CEP44: variants seen among roughly 807,000 people sequenced by gnomAD.
The protein encoded by CEP44 is centrosomal protein of 44 kDa.
In CEP44, 45 loss-of-function variants were observed where a neutral mutation model predicts 46.7. The observed-to-expected ratio is 0.96, with a 90% CI of 0.76 to 1.24. CEP44 has a LOEUF of 1.24. CEP44 is among the 50% of genes most tolerant of loss of function. The probability of loss-of-function intolerance (pLI) is 0.00; values close to 1 mark genes in which losing one functional copy is unlikely to be tolerated. For missense variants in CEP44, 475 were observed against 459.7 expected (o/e 1.03, Z -0.30); for synonymous variants, 142 against 146.0 (o/e 0.97, Z 0.20).
At position 174,331,604 on chromosome 4, in the gene CEP44, T is replaced by G; in HGVS notation, c.*9T>G. On this transcript the variant is annotated 3_prime_UTR_variant, in exon 9 of 9. Transcript: ENST00000426172. This position sits in a 1 kb window ranked among gnomAD's most constrained non-coding sequence, Gnocchi z 4.5. The stretch of plus-strand genomic sequence containing the variant: ...CTCTCTCCTGTGTGTAATCTCTGTT[T>G]CTTGGATCCTGTGCTTACCTTTTCC... The G allele has an allele frequency of 6.4e-7, 1 of 1,550,818 alleles. No individual in the cohort carries two copies. The highest frequency in any genetic ancestry group is 8.7e-7 in the Non-Finnish European group (1 of 1,146,504).
Position 174,308,820 on chromosome 4 carries a change from G to T in CEP44, c.639G>T (p.Met213Ile), listed in dbSNP as rs1740749957. The change falls in exon 7 of 12, where the codon ATG becomes ATT. Residue 213 changes from methionine (M) to isoleucine (I), a missense_variant. Transcript: ENST00000503780. ...ACTTAAATGCTACTGAAATAAAGAT[G>T]CCTGAAGTAAAGGTTCCTGAAATCA... ...VSDLNATEIKMPEVKVPEIKA... is the reference protein window; with the variant it reads ...VSDLNATEIKIPEVKVPEIKA... 2 of 1,613,078 alleles carry T rather than the reference G, an allele frequency of 1.2e-6. No homozygotes were observed. The highest frequency in any genetic ancestry group is 2.7e-5 in the African/African-American group (2 of 74,852).
chr4:174,302,050 G>A lies in CEP44; in HGVS notation c.101G>A (p.Gly34Glu), dbSNP rs1177033203. 1 of 1,601,936 alleles carries A rather than the reference G, an allele frequency of 6.2e-7. No homozygotes were observed. The highest frequency in any genetic ancestry group is 8.5e-7 in the Non-Finnish European group (1 of 1,177,178). ...EEVDCVGLIKGDPAASLPIIS... is the reference protein window; with the variant it reads ...EEVDCVGLIKEDPAASLPIIS... ...TTTTTTCCTAACAGTTTGATAAAGG[G>A]AGACCCAGCAGCATCTTTGCCCATC... Residue 34 changes from glycine (G) to glutamate (E), a missense_variant, in exon 4 of 12, where the codon GGA becomes GAA. Coordinates refer to ENST00000503780, the MANE Select transcript of CEP44 (RefSeq NM_001040157.3).
chr4:174,308,476 G>A (rs1740696184), intron 6 of CEP44, among the ~76,000 whole-genome samples: 1 of 152,140 alleles, frequency 6.6e-6, no homozygotes, highest in African/African-American at 2.4e-5. Context: ...GAGCCTTTCA[G>A]AGGGTGGAGG....
intron 9 of CEP44, among the ~76,000 whole-genome samples, chr4:174,315,666 C>G (rs1462542388): frequency 1.3e-5 from 2 of 151,142 alleles, no homozygotes; most frequent in Non-Finnish European, 3.0e-5. Context: ...ACGGTGAAAC[C>G]CTGTCTCTAC....
In CEP44 at chr4:174,311,491, T is replaced by G. The variant is rs1435451284; in HGVS notation, c.961+633T>G. On this transcript the variant is annotated intron_variant, in intron 9 of 11. Transcript: ENST00000503780. The surrounding 1 kb of genome is among the most constrained non-coding windows in gnomAD (Gnocchi z 4.4). ...GATTAAATCATAGCTATAGAAGAGA[T>G]GTTTTGTCCAATTGAGAATTCATCG... is the stretch of plus-strand genomic sequence containing the variant. 6.6e-6 allele frequency among the ~76,000 whole-genome samples: 1 copy of G among 152,082 alleles called. No homozygotes were observed. Among genetic ancestry groups the G allele is most frequent in the Non-Finnish European group, 1.5e-5 (1 of 67,964 alleles).
At chr4:174,308,360 G>C (rs554526811) in intron 6 of CEP44, among the ~76,000 whole-genome samples, 1 of 152,262 alleles carries the variant, frequency 6.6e-6, no homozygotes, top group South Asian at 2.1e-4. Flanking sequence ...CTTATCCTTA[G>C]CATATTAATG....
chr4:174,304,317 C>G lies in CEP44; in HGVS notation c.455C>G (p.Ser152Cys). Residue 152 changes from serine to cysteine, a missense_variant, in exon 6 of 12, where the codon TCT (serine) becomes TGT (cysteine). By Grantham distance (112) the Ser-to-Cys change is moderately radical. Transcript: ENST00000503780. ...SEPPLGNEKI[S>C]AEAVGVDISG... is the part of the protein sequence containing the mutation. ...CCTCCTTTGGGCAATGAGAAAATAT[C>G]TGCAGAGGCTGTTGGCGTTGATATC... 1 of 1,611,788 alleles carries G rather than the reference C, an allele frequency of 6.2e-7. No homozygotes were observed. Among genetic ancestry groups the G allele is most frequent in the Non-Finnish European group, 8.5e-7 (1 of 1,179,388 alleles).
chr4:174,319,019 G>T lies in CEP44; in HGVS notation c.*1636G>T. ...AGACAGGGTTTCACCATGTTGCCCA[G>T]TCTGTTCTCAAACTCGTGAGCTAAA... On this transcript the variant is annotated 3_prime_UTR_variant, in exon 12 of 12. Coordinates refer to ENST00000503780, the MANE Select transcript of CEP44 (RefSeq NM_001040157.3). 2.5e-6 allele frequency: 1 copy of T among 406,022 alleles called. No individual in the cohort carries two copies. The highest frequency in any genetic ancestry group is 3.3e-6 in the Non-Finnish European group (1 of 300,960). The allele number at this position is 406,022 out of a possible 1,614,324, so 25.2% of individuals were successfully genotyped here.
At chr4:174,302,011 A>T (rs1320913533) in intron 3 of CEP44, 28 bp from the exon 4 acceptor site, 6 of 1,569,086 alleles carry the variant, frequency 3.8e-6, no homozygotes, top group Non-Finnish European at 5.1e-6. Flanking sequence ...AATGCTTATT[A>T]AAAATATTTT....
intron 6 of CEP44, among the ~76,000 whole-genome samples, chr4:174,306,239 T>C (rs1441654808): frequency 6.6e-6 from 1 of 152,134 alleles, no homozygotes; most frequent in Non-Finnish European, 1.5e-5. Context: ...CAGGACTTCT[T>C]CGTTGTCATT....
intron 1 of CEP44, among the ~76,000 whole-genome samples, chr4:174,293,202 G>C (rs1452255628): frequency 6.6e-6 from 1 of 152,216 alleles, no homozygotes; most frequent in African/African-American, 2.4e-5. Flanking sequence ...AAGTCTTCCT[G>C]TGAGACCTTG....
Position 174,311,680 on chromosome 4 carries a change from G to T in CEP44, c.961+822G>T, listed in dbSNP as rs896077397. ...TTAATTCTTGAAGTAACCATTGCAAGATAAGTACTATTTTTATATTTTACA... is the reference window on the plus strand; with the variant it reads ...TTAATTCTTGAAGTAACCATTGCAATATAAGTACTATTTTTATATTTTACA... On this transcript the variant is annotated intron_variant, in intron 9 of 11. Coordinates refer to ENST00000503780, the MANE Select transcript of CEP44 (RefSeq NM_001040157.3). This position sits in a 1 kb window ranked among gnomAD's most constrained non-coding sequence, Gnocchi z 4.4. Among the ~76,000 whole-genome samples, 3 of 152,254 alleles carry T rather than the reference G, an allele frequency of 2.0e-5. No individual in the cohort carries two copies. Among genetic ancestry groups the T allele is most frequent in the Non-Finnish European group, 4.4e-5 (3 of 68,004 alleles).
At chr4:174,333,168 A>T (rs1731392587) in exon 9 of CEP44, 1 of 144,734 alleles carries the variant, frequency 6.9e-6, no homozygotes, top group Non-Finnish European at 1.5e-5. Context: ...TTATATTGAT[A>T]TTGACAGAAA....
exon 9 of CEP44, chr4:174,332,841 T>C (rs570510049): frequency 1.3e-4 from 20 of 152,270 alleles, no homozygotes; most frequent in African/African-American, 3.6e-4. Context: ...TTGTTCCTAG[T>C]TGGAGGGATA....
exon 9 of CEP44, chr4:174,333,249 A>T (rs1731398136): frequency 6.7e-6 from 1 of 149,176 alleles, no homozygotes; most frequent in Non-Finnish European, 1.5e-5. Flanking sequence ...TCTTTATATG[A>T]TTCAATTTTG....
chr4:174,299,367 G>C (rs1469995684), intron 3 of CEP44, among the ~76,000 whole-genome samples, 157 bp downstream of exon 3: 1 of 152,094 alleles, frequency 6.6e-6, no homozygotes, highest in Non-Finnish European at 1.5e-5. Context: ...GGGAATTATA[G>C]GAGTTTATTT....
intron 4 of CEP44, among the ~76,000 whole-genome samples, chr4:174,302,843 C>T (rs1435704997): frequency 6.6e-6 from 1 of 150,528 alleles, no homozygotes; most frequent in African/African-American, 2.4e-5. Flanking sequence ...TGCAGTGTCA[C>T]GATCTAGGCT....
rs1731326335 is a variant in CEP44, at chr4:174,331,669, T to C, written c.*74T>C. On this transcript the variant is annotated 3_prime_UTR_variant, in exon 9 of 9. Transcript: ENST00000426172. The surrounding 1 kb of genome is among the most constrained non-coding windows in gnomAD (Gnocchi z 4.5). ...GTTTCAGTGAAGCTCATCCACGAAG[T>C]CCAGAATTCTGCCTGGAAACCAGCT... The C allele has an allele frequency of 4.7e-6, 7 of 1,485,626 alleles. No individual in the cohort carries two copies. The highest frequency in any genetic ancestry group is 1.3e-5 in the South Asian group (1 of 74,240). 92.0% of individuals were successfully genotyped at this position (1,485,626 alleles called of 1,614,324 possible). A position where few individuals can be genotyped will look rare whatever the true frequency, so the allele number is the denominator to read the frequency against.
chr4:174,308,514 A>C (rs1740704499), intron 6 of CEP44, among the ~76,000 whole-genome samples, 175 bp from the exon 7 acceptor site: 1 of 152,124 alleles, frequency 6.6e-6, no homozygotes, highest in African/African-American at 2.4e-5. Context: ...AAAAATAACC[A>C]ATGGGTACTA....
Sources: allele counts gnomAD v4.1 joint callset (sites outside exome capture counted in the v4.1 genomes callset), GRCh38; gene constraint gnomAD v4.1.1; non-coding constraint Gnocchi (gnomAD v3.1); transcripts MANE v1.5; gene names NCBI Gene and HGNC (gene_info 2026-07-23, HGNC 2026-07-21).